Variants in MGA observed in about 807,000 individuals in gnomAD.
MGA encodes the protein MAX dimerization protein MGA, also known as MAX gene-associated protein.
In MGA, 40 loss-of-function variants were observed where a neutral mutation model predicts 261.1. That is an observed-to-expected ratio of 0.15 (90% CI 0.12 to 0.20). The LOEUF is 0.20. Ranked by LOEUF, MGA falls within the 10% of genes least tolerant of loss-of-function variation. MGA has a pLI of 1.00. For missense variants in MGA, 3,397 were observed against 3,630.5 expected (o/e 0.94, Z 1.65); for synonymous variants, 1,302 against 1,290.6 (o/e 1.01, Z -0.19).
intron 1 of MGA, among the ~76,000 whole-genome samples, chr15:41,628,797 A>G (rs1275232989): frequency 6.6e-6 from 1 of 152,206 alleles, no homozygotes; most frequent in Non-Finnish European, 1.5e-5. Flanking sequence ...GTGCAGAAAA[A>G]TGATACCTAA....
chr15:41,639,292 T>C (rs2056774777), intron 1 of MGA, among the ~76,000 whole-genome samples: 1 of 152,164 alleles, frequency 6.6e-6, no homozygotes. Flanking sequence ...TAGTTTCTAT[T>C]CTTGATTCCA....
chr15:41,693,743 T>C (rs115905725), intron 2 of MGA, among the ~76,000 whole-genome samples: 19 of 152,272 alleles, frequency 1.2e-4, no homozygotes, highest in African/African-American at 3.1e-4. Flanking sequence ...ATAAATTATA[T>C]TGGGCTTAGA....
At position 41,750,394 on chromosome 15, in the gene MGA, AG is replaced by A. The variant is rs751769454; in HGVS notation, c.6788del (p.Ser2263ThrfsTer72). On this transcript the variant is annotated frameshift_variant, in exon 17 of 24. Coordinates refer to ENST00000219905, the MANE Select transcript of MGA (RefSeq NM_001164273.2). LOFTEE classifies it high-confidence loss of function. ...CATTGTTCCTAGGAGAGCTGCAAAA[AG>A]CAGCAGAGGGAATGGACATTTTCAG... 6.2e-7 allele frequency: 1 copy of A among 1,613,992 alleles called. No homozygotes were observed. The highest frequency in any genetic ancestry group is 8.5e-7 in the Non-Finnish European group (1 of 1,179,884).
Position 41,696,671 on chromosome 15 carries a change from C to G in MGA, c.1661C>G (p.Pro554Arg). 6.2e-7 allele frequency: 1 copy of G among 1,612,664 alleles called. No individual in the cohort carries two copies. The highest frequency in any genetic ancestry group is 8.5e-7 in the Non-Finnish European group (1 of 1,179,346). The change falls in exon 3 of 24, where the codon CCT (proline) becomes CGT (arginine). Residue 554 changes from proline to arginine, a missense_variant. Coordinates refer to ENST00000219905, the MANE Select transcript of MGA (RefSeq NM_001164273.2). The stretch of plus-strand genomic sequence containing the variant: ...CTGAAAGAGCCTCAGTGGAAATATC[C>G]TGATATATCTGACAGCATTAGCACA...
At chr15:41,747,298 A>T (rs2151900187) in intron 15 of MGA, among the ~76,000 whole-genome samples, 1 of 152,290 alleles carries the variant, frequency 6.6e-6, no homozygotes, top group Non-Finnish European at 1.5e-5. Flanking sequence ...TTTAAAAACC[A>T]AAAGCCCTTT....
intron 5 of MGA, among the ~76,000 whole-genome samples, chr15:41,699,522 G>A (rs1223773748): frequency 2.6e-5 from 4 of 152,034 alleles, no homozygotes; most frequent in African/African-American, 2.4e-5. Context: ...TGTTTGAGAC[G>A]GAGTTTCGCT....
At chr15:41,670,065 T>A in intron 2 of MGA, 107 bp downstream of exon 2, 1 of 878,260 alleles carries the variant, frequency 1.1e-6, no homozygotes, top group Non-Finnish European at 1.7e-6. Flanking sequence ...TTGATAAATG[T>A]AAGCCACTAT....
rs143849396 is a variant in MGA at position 41,727,857 on chromosome 15, T to A, written c.3657+451T>A. On this transcript the variant is annotated intron_variant, in intron 10 of 23. Transcript: ENST00000219905. Reference sequence around the variant, plus strand: ...CAGTTGATATAATATGACTGAAGACTGGTAGGTAAAAGTAGGAAGTTATTC... The same window carrying A: ...CAGTTGATATAATATGACTGAAGACAGGTAGGTAAAAGTAGGAAGTTATTC... 3.9e-3 allele frequency among the ~76,000 whole-genome samples: 592 copies of A among 152,308 alleles called. 3 individuals carry two copies. Among genetic ancestry groups the A allele is most frequent in the African/African-American group, 0.014 (570 of 41,580 alleles).
chr15:41,661,536 A>G (rs1422619653), intron 1 of MGA, among the ~76,000 whole-genome samples: 1 of 152,092 alleles, frequency 6.6e-6, no homozygotes, highest in South Asian at 2.1e-4. Flanking sequence ...GAACGGGTAA[A>G]TGAGGTCTGA....
At chr15:41,690,994 GTTTTTTT>G (rs386382831) in intron 2 of MGA, among the ~76,000 whole-genome samples, 1 of 104,346 alleles carries the variant, frequency 9.6e-6, no homozygotes, top group African/African-American at 3.7e-5. Context: ...AGATTGCTTT[GTTTTTTT>G]TTTTTTTTTT....
intron 10 of MGA, among the ~76,000 whole-genome samples, chr15:41,727,858 G>C (rs888359316): frequency 6.6e-6 from 1 of 152,080 alleles, no homozygotes; most frequent in Admixed American, 6.6e-5. Flanking sequence ...ACTGAAGACT[G>C]GTAGGTAAAA....
chr15:41,629,290 A>G (rs1299589782), intron 1 of MGA, among the ~76,000 whole-genome samples: 1 of 152,058 alleles, frequency 6.6e-6, no homozygotes, highest in Non-Finnish European at 1.5e-5. Context: ...GTAATCAAAG[A>G]TGATTACAAG....
intron 14 of MGA, 29 bp downstream of exon 14, chr15:41,740,232 A>C: frequency 6.2e-7 from 1 of 1,608,686 alleles, no homozygotes; most frequent in Non-Finnish European, 8.5e-7. Flanking sequence ...ATGGTTTGGA[A>C]AGGCCTATGA....
At chr15:41,655,400 T>C (rs1208731134), upstream of MGA, among the ~76,000 whole-genome samples, 2 of 152,132 alleles carry the variant, frequency 1.3e-5, no homozygotes, top group Non-Finnish European at 2.9e-5. Flanking sequence ...CTCGAACTCC[T>C]GACCTCAAGT....
At chr15:41,706,141 G>A (rs971347436) in intron 5 of MGA, among the ~76,000 whole-genome samples, 2 of 151,816 alleles carry the variant, frequency 1.3e-5, no homozygotes, top group Admixed American at 6.6e-5. Context: ...GGAGGCTGAG[G>A]CAGGAGAATC....
chr15:41,727,074 C>G (rs746532244), intron 9 of MGA, 106 bp from the exon 10 acceptor site: 1 of 770,510 alleles, frequency 1.3e-6, no homozygotes, highest in East Asian at 2.7e-5. Flanking sequence ...ATTATTTTAA[C>G]GAGTTACTGC....
At chr15:41,704,825 A>C (rs1455695847) in intron 5 of MGA, among the ~76,000 whole-genome samples, 1 of 152,146 alleles carries the variant, frequency 6.6e-6, no homozygotes, top group South Asian at 2.1e-4. Flanking sequence ...ATTTTTGGCT[A>C]TATCTTATTG....
chr15:41,632,692 T>G (rs192544276), intron 1 of MGA, among the ~76,000 whole-genome samples: 17 of 152,154 alleles, frequency 1.1e-4, no homozygotes, highest in Admixed American at 9.2e-4. Context: ...GCCTCCTGTT[T>G]CCTCACTAGT....
At chr15:41,694,868 A>G (rs1048718236) in intron 2 of MGA, among the ~76,000 whole-genome samples, 7 of 152,082 alleles carry the variant, frequency 4.6e-5, no homozygotes, top group African/African-American at 1.7e-4. Context: ...ACTCCTGGGC[A>G]CAAGCAGTCC....
Sources: gnomAD v4.1 joint callset for allele counts (sites outside exome capture counted in the v4.1 genomes callset) on GRCh38, gnomAD v4.1.1 for gene constraint, MANE v1.5 for transcripts, NCBI Gene and HGNC (gene_info 2026-07-23, HGNC 2026-07-21) for gene names.